The following CNTNAP5 variants were observed in gnomAD, a reference collection of about 807,000 sequenced individuals.
CNTNAP5 encodes contactin associated protein family member 5.
CNTNAP5 carries 72 observed loss-of-function variants against 150.2 expected under a neutral mutation model. The observed-to-expected ratio is 0.48, with a 90% CI of 0.40 to 0.58. The LOEUF (loss-of-function observed/expected upper bound fraction) is 0.58, where lower values mean the gene tolerates loss of function less well. Ranked by LOEUF, CNTNAP5 falls within the 20% of genes least tolerant of loss-of-function variation. CNTNAP5 has a pLI of 0.00. For synonymous variants in CNTNAP5, 672 were observed against 619.8 expected (o/e 1.08, Z -1.25); for missense variants, 1,636 against 1,626.2 (o/e 1.01, Z -0.10).
intron 2 of CNTNAP5, among the ~76,000 whole-genome samples, chr2:124,222,917 G>T (rs1686361140): frequency 6.6e-6 from 1 of 151,884 alleles, no homozygotes; most frequent in Non-Finnish European, 1.5e-5. Context: ...AAGTGTCACT[G>T]GTTTGTTGAG....
At chr2:124,115,792 T>TTTTGTGTGTGTGTG (rs1683414593) in intron 1 of CNTNAP5, among the ~76,000 whole-genome samples, 2 of 138,206 alleles carry the variant, frequency 1.4e-5, no homozygotes, top group East Asian at 4.6e-4. Flanking sequence ...GCCTGGCTAA[T>TTTTGTGTGTGTGTG]TGTGTGTGTG....
At chr2:124,446,530 T>A (rs981382601) in intron 5 of CNTNAP5, among the ~76,000 whole-genome samples, 1 of 152,192 alleles carries the variant, frequency 6.6e-6, no homozygotes. Flanking sequence ...CTTGAAAACA[T>A]GCCCTATTTT....
intron 6 of CNTNAP5, among the ~76,000 whole-genome samples, chr2:124,463,407 A>C (rs2104823168): frequency 6.6e-6 from 1 of 152,328 alleles, no homozygotes; most frequent in South Asian, 2.1e-4. Flanking sequence ...AGGAGCAATA[A>C]GGACAACCAA....
intron 2 of CNTNAP5, among the ~76,000 whole-genome samples, chr2:124,239,435 A>G (rs1204812462): frequency 1.8e-4 from 27 of 152,208 alleles, no homozygotes; most frequent in Admixed American, 1.8e-3. Flanking sequence ...AAAAATAATG[A>G]TGGTCACAGA....
intron 14 of CNTNAP5, among the ~76,000 whole-genome samples, chr2:124,752,436 T>G (rs1012189564): frequency 2.0e-5 from 3 of 152,062 alleles, no homozygotes; most frequent in African/African-American, 4.8e-5. Context: ...GAGTGCATGT[T>G]GTAGGGCTGA....
At chr2:124,440,601 G>A (rs1222871952) in intron 5 of CNTNAP5, among the ~76,000 whole-genome samples, 8 of 152,064 alleles carry the variant, frequency 5.3e-5, no homozygotes, top group African/African-American at 1.9e-4. Context: ...TGGGGTGGAG[G>A]GAGGAGAATA....
rs138877401 is a variant in CNTNAP5, at chr2:124,113,506, ATGTGTG to A, written c.82+87802_82+87807del. 1.9e-3 allele frequency among the ~76,000 whole-genome samples: 276 copies of A among 142,886 alleles called. 2 individuals are homozygous for A. The highest frequency in any genetic ancestry group is 6.5e-3 in the African/African-American group (253 of 38,744). The allele number at this position is 142,886 out of a possible 152,430, so 93.7% of individuals were successfully genotyped here. A position where few individuals can be genotyped will look rare whatever the true frequency, so the allele number is the denominator to read the frequency against. On this transcript the variant is annotated intron_variant, in intron 1 of 23. Coordinates refer to ENST00000682447, the MANE Select transcript of CNTNAP5 (RefSeq NM_001367498.1). ...ATATCTATTCAACTGATACATATAT[ATGTGTG>A]TGTGTGTGTGTGTGTGTGTGTGTGT...
At chr2:124,065,473 C>T (rs1384917254) in intron 1 of CNTNAP5, among the ~76,000 whole-genome samples, 1 of 152,090 alleles carries the variant, frequency 6.6e-6, no homozygotes, top group Non-Finnish European at 1.5e-5. Flanking sequence ...CAGCTCTGCC[C>T]ACCACTAAAG....
chr2:124,168,433 T>A (rs1684855666), intron 1 of CNTNAP5, among the ~76,000 whole-genome samples: 1 of 152,202 alleles, frequency 6.6e-6, no homozygotes, highest in African/African-American at 2.4e-5. Context: ...ATAAGCTCAA[T>A]GTCCCTTCAC....
chr2:124,436,917 T>C (rs1558901616), intron 5 of CNTNAP5, among the ~76,000 whole-genome samples: 3 of 152,216 alleles, frequency 2.0e-5, no homozygotes, highest in Admixed American at 2.0e-4. Context: ...TTACCTGTTT[T>C]AAGCAGTCAC....
At chr2:124,304,430 C>A (rs1688632425) in intron 3 of CNTNAP5, among the ~76,000 whole-genome samples, 1 of 146,668 alleles carries the variant, frequency 6.8e-6, no homozygotes, top group Non-Finnish European at 1.5e-5. Flanking sequence ...AACACTGAAC[C>A]AAGAATTGTT....
chr2:124,741,710 G>C lies in CNTNAP5; in HGVS notation c.2078-5519G>C, dbSNP rs547490618. On this transcript the variant is annotated intron_variant, in intron 13 of 23. Transcript: ENST00000682447. The stretch of plus-strand genomic sequence containing the variant: ...ACTCATTAGCAAAATCCCTAGACTT[G>C]ATCTGCTGGAATGATTTAAATTCAA... 1.7e-4 allele frequency among the ~76,000 whole-genome samples: 26 copies of C among 152,212 alleles called. No homozygotes were observed. The South Asian group carries it at 5.0e-3, about 29-fold the overall frequency.
chr2:124,768,664 C>T (rs930592758), intron 16 of CNTNAP5, among the ~76,000 whole-genome samples: 4 of 152,058 alleles, frequency 2.6e-5, no homozygotes, highest in African/African-American at 9.7e-5. Flanking sequence ...AAGTGGCAAG[C>T]CCTGATCGCA....
At chr2:124,729,698 T>C (rs2105125621) in intron 13 of CNTNAP5, among the ~76,000 whole-genome samples, 1 of 152,186 alleles carries the variant, frequency 6.6e-6, no homozygotes, top group Non-Finnish European at 1.5e-5. Flanking sequence ...AATATGATAG[T>C]TGTTACTCAA....
chr2:124,510,511 A>ATATATATATATATATATATC, intron 8 of CNTNAP5, among the ~76,000 whole-genome samples: 1 of 135,688 alleles, frequency 7.4e-6, no homozygotes, highest in Admixed American at 7.6e-5. Context: ...ATATATATAT[A>ATATATATATATATATATATC]TATATATACA....
chr2:124,249,692 G>A (rs1477903112), intron 3 of CNTNAP5, among the ~76,000 whole-genome samples: 1 of 152,068 alleles, frequency 6.6e-6, no homozygotes, highest in Non-Finnish European at 1.5e-5. Context: ...TGACCACCTT[G>A]GGCACATGTT....
At chr2:124,326,201 C>G (rs758561999) in intron 3 of CNTNAP5, among the ~76,000 whole-genome samples, 23 of 152,082 alleles carry the variant, frequency 1.5e-4, no homozygotes, top group Non-Finnish European at 2.9e-4. Context: ...GACTGTATCC[C>G]CAGGGAGCCT....
At chr2:124,280,089 TG>T (rs1687976287) in intron 3 of CNTNAP5, among the ~76,000 whole-genome samples, 1 of 152,014 alleles carries the variant, frequency 6.6e-6, no homozygotes, top group East Asian at 1.9e-4. Flanking sequence ...AAGACCTGAT[TG>T]TCATCCTTAA....
intron 14 of CNTNAP5, among the ~76,000 whole-genome samples, chr2:124,762,684 G>A (rs993405513): frequency 1.3e-5 from 2 of 152,130 alleles, no homozygotes; most frequent in Non-Finnish European, 1.5e-5. Flanking sequence ...CCTGGGGACT[G>A]AGATTCCAGA....
Sources: allele counts gnomAD v4.1 joint callset (sites outside exome capture counted in the v4.1 genomes callset), GRCh38; gene constraint gnomAD v4.1.1; transcripts MANE v1.5; gene names NCBI Gene and HGNC (gene_info 2026-07-23, HGNC 2026-07-21).